The following NCOR1 variants were observed in gnomAD, a reference collection of about 807,000 sequenced individuals.
NCOR1 encodes protein phosphatase 1, regulatory subunit 109.
Under a neutral mutation model 288.1 loss-of-function variants are expected in NCOR1, and 63 were observed. The ratio of observed to expected loss-of-function variants is 0.22; its 90% CI spans 0.18 to 0.27. The LOEUF is 0.27. NCOR1 is among the 10% of genes least tolerant of loss of function. The pLI is 1.00. For missense variants in NCOR1, 2,397 were observed against 3,019.2 expected, an observed-to-expected ratio of 0.79 and a Z score of 4.83; for synonymous variants, 1,007 against 1,065.9, an observed-to-expected ratio of 0.94 and a Z score of 1.08.
intron 18 of NCOR1, among the ~76,000 whole-genome samples, chr17:16,112,607 T>C (rs1035564174): frequency 5.3e-5 from 8 of 152,050 alleles, no homozygotes; most frequent in African/African-American, 1.7e-4. Context: ...GTGATTCTAC[T>C]GGCCTCCCGA....
intron 18 of NCOR1, among the ~76,000 whole-genome samples, chr17:16,117,395 AATAAATAG>A (rs1296948012): frequency 2.0e-5 from 3 of 152,154 alleles, no homozygotes; most frequent in Non-Finnish European, 4.4e-5. Flanking sequence ...CTCCTTGAGC[AATAAATAG>A]AGAAACAGCT....
At chr17:16,109,563 A>G (rs1197466670) in intron 18 of NCOR1, among the ~76,000 whole-genome samples, 1 of 152,184 alleles carries the variant, frequency 6.6e-6, no homozygotes, top group East Asian at 1.9e-4. Context: ...ATACTGACAT[A>G]TATTATGTTG....
At chr17:16,190,344 CT>C (rs933278846) in intron 2 of NCOR1, among the ~76,000 whole-genome samples, 19 of 146,852 alleles carry the variant, frequency 1.3e-4, no homozygotes, top group African/African-American at 1.5e-4. Context: ...GAAAGAATTT[CT>C]TTTTTTTTTT....
intron 35 of NCOR1, 125 bp downstream of exon 35, chr17:16,063,943 G>A: frequency 1.6e-6 from 2 of 1,263,692 alleles, no homozygotes; most frequent in Non-Finnish European, 2.1e-6. Context: ...TTTCACTTGG[G>A]GCCTGTAATA....
At chr17:16,108,687 A>G in intron 19 of NCOR1, 99 bp downstream of exon 19, 1 of 992,518 alleles carries the variant, frequency 1.0e-6, no homozygotes, top group Non-Finnish European at 1.4e-6. Flanking sequence ...ACACTGGCAC[A>G]CTGTTTCCTC....
intron 21 of NCOR1, among the ~76,000 whole-genome samples, chr17:16,094,009 G>A (rs2065878344): frequency 6.6e-6 from 1 of 151,934 alleles, no homozygotes; most frequent in African/African-American, 2.4e-5. Context: ...TCGAGCTCAA[G>A]GAATCCTTCC....
intron 26 of NCOR1, among the ~76,000 whole-genome samples, chr17:16,078,654 C>A (rs557410123): frequency 6.6e-6 from 1 of 152,096 alleles, no homozygotes; most frequent in Non-Finnish European, 1.5e-5. Flanking sequence ...CAGCTCACTG[C>A]AACCTCCGCC....
intron 45 of NCOR1, 39 bp from the exon 46 acceptor site, chr17:16,032,522 T>A (rs376678573): frequency 1.5e-5 from 23 of 1,525,434 alleles, no homozygotes; most frequent in African/African-American, 2.8e-5. Context: ...GTCATGAACA[T>A]AACTGGTATT....
intron 1 of NCOR1, among the ~76,000 whole-genome samples, chr17:16,207,277 T>C (rs1310406964): frequency 1.3e-5 from 2 of 152,354 alleles, no homozygotes; most frequent in African/African-American, 4.8e-5. Flanking sequence ...TCTATGTTAT[T>C]GCCAGGGGAA....
rs2152998252 is a variant in NCOR1, at chr17:16,101,649, G to A, written c.2291C>T (p.Ser764Phe). The A allele has an allele frequency of 6.2e-7, 1 of 1,614,208 alleles. No homozygotes were observed. Among genetic ancestry groups the A allele is most frequent in the Non-Finnish European group, 8.5e-7 (1 of 1,180,044 alleles). ...TGTACTTGGAACTGCTAAGGAGGGA[G>A]ATGTACTGGGTGCAGTTTCCGTGGT... ...EPTTETAPST[S>F]PSLAVPSTKP... The change falls in exon 20 of 46, where the codon TCT becomes TTT. Residue 764 changes from serine (S) to phenylalanine (F), a missense_variant. Around this residue, in one of 11 missense-constraint regions of NCOR1, gnomAD observed 1,872 missense variants for 2,187.8 expected, o/e 0.86. Transcript: ENST00000268712.
intron 5 of NCOR1, among the ~76,000 whole-genome samples, chr17:16,162,506 C>T (rs923073529): frequency 2.7e-5 from 4 of 147,046 alleles, no homozygotes; most frequent in Non-Finnish European, 6.0e-5. Context: ...ATAAAAATAA[C>T]AGAACCCCGA....
At chr17:16,122,696 G>A (rs1046136349) in intron 15 of NCOR1, 5 of 152,284 alleles carry the variant, frequency 3.3e-5, no homozygotes, top group African/African-American at 1.2e-4. Flanking sequence ...AAGAGCAGTG[G>A]CGCGAACACA....
chr17:16,175,243 A>T (rs1328359380), intron 3 of NCOR1, among the ~76,000 whole-genome samples: 1 of 152,016 alleles, frequency 6.6e-6, no homozygotes, highest in Non-Finnish European at 1.5e-5. Flanking sequence ...TGGTGCGCGC[A>T]TGTAGTCCCA....
At chr17:16,192,239 C>A (rs886596666) in intron 2 of NCOR1, 4 of 150,900 alleles carry the variant, frequency 2.7e-5, no homozygotes, top group Non-Finnish European at 5.9e-5. Context: ...GGAGACCAGA[C>A]ACAGTGGCTC....
chr17:16,057,421 T>C (rs2060064246), intron 40 of NCOR1, 93 bp downstream of exon 40: 1 of 1,267,882 alleles, frequency 7.9e-7, no homozygotes, highest in Admixed American at 1.8e-5. Context: ...CAAATGAACT[T>C]TAGTTGTGAG....
At chr17:16,143,448 G>A (rs887655256) in intron 11 of NCOR1, among the ~76,000 whole-genome samples, 158 bp downstream of exon 11, 7 of 152,168 alleles carry the variant, frequency 4.6e-5, no homozygotes, top group African/African-American at 1.7e-4. Context: ...TGACTGCCTC[G>A]TTTAAAAACC....
chr17:16,127,371 A>G lies in NCOR1; in HGVS notation c.1510-1165T>C, dbSNP rs868839133. 2.3e-4 allele frequency among the ~76,000 whole-genome samples: 18 copies of G among 78,788 alleles called. 5 individuals are homozygous for G. Among genetic ancestry groups the G allele is most frequent in the Admixed American group, 6.1e-4 (5 of 8,182 alleles). The allele number at this position is 78,788 out of a possible 152,430, so 51.7% of individuals were successfully genotyped here. On this transcript the variant is annotated intron_variant, in intron 14 of 45. Transcript: ENST00000268712. Reference sequence around the variant, plus strand: ...TATATATGTATGTATATATACATGTATGTATATATGTATGTATATATACAT... The same window carrying G: ...TATATATGTATGTATATATACATGTGTGTATATATGTATGTATATATACAT...
intron 10 of NCOR1, among the ~76,000 whole-genome samples, chr17:16,145,682 C>G (rs1358127116): frequency 1.3e-5 from 2 of 151,928 alleles, no homozygotes; most frequent in African/African-American, 4.8e-5. Flanking sequence ...TGGGGGGCAG[C>G]CCCCGCCCAG....
chr17:16,079,629 C>T (rs957213356), intron 26 of NCOR1, among the ~76,000 whole-genome samples: 1 of 152,210 alleles, frequency 6.6e-6, no homozygotes, highest in Non-Finnish European at 1.5e-5. Flanking sequence ...GCAAATAATT[C>T]GTAATGATTT....
Sources: allele counts gnomAD v4.1 joint callset (sites outside exome capture counted in the v4.1 genomes callset), GRCh38; gene constraint gnomAD v4.1.1; regional missense constraint gnomAD v4.1.1; transcripts MANE v1.5; gene names NCBI Gene and HGNC (gene_info 2026-07-23, HGNC 2026-07-21).